DMXL1: variants seen among roughly 807,000 people sequenced by gnomAD.
The protein encoded by DMXL1 is dmX-like protein 1.
A neutral mutation model predicts 319.2 loss-of-function variants in DMXL1; 99 were observed. That is an observed-to-expected ratio of 0.31 (90% CI 0.26 to 0.37). The LOEUF is 0.37. DMXL1 is among the 10% of genes least tolerant of loss of function. The probability of loss-of-function intolerance (pLI) is 1.00; values close to 1 mark genes in which losing one functional copy is unlikely to be tolerated. For missense variants in DMXL1, 3,745 were observed against 3,595.6 expected, an observed-to-expected ratio of 1.04 and a Z score of -1.06; for synonymous variants, 1,385 against 1,235.2, an observed-to-expected ratio of 1.12 and a Z score of -2.54.
Position 119,133,274 on chromosome 5 carries a change from GAGTAAAAATGC to G in DMXL1, c.1461_1471del (p.Ser487ArgfsTer5). On this transcript the variant is annotated frameshift_variant, in exon 11 of 44. Transcript: ENST00000539542. LOFTEE classifies it high-confidence loss of function. Reference sequence around the variant, plus strand: ...AGATTGAAGTACTTCTGTCTGAATGGAGTAAAAATGCAGATATGCTATTTAGTATTCATCCC... The same window carrying G: ...AGATTGAAGTACTTCTGTCTGAATGGAGATATGCTATTTAGTATTCATCCC... 6.2e-7 allele frequency: 1 copy of G among 1,614,136 alleles called. No individual in the cohort carries two copies.
chr5:119,079,042 A>G (rs1751613124), intron 1 of DMXL1, among the ~76,000 whole-genome samples: 2 of 152,180 alleles, frequency 1.3e-5, no homozygotes, highest in Admixed American at 1.3e-4. Context: ...CATGAGCACT[A>G]CTAGACTATG....
At chr5:119,176,463 T>A (rs1246301232) in intron 26 of DMXL1, among the ~76,000 whole-genome samples, 2 of 152,088 alleles carry the variant, frequency 1.3e-5, no homozygotes, top group East Asian at 3.8e-4. Flanking sequence ...ACTTTCTTAT[T>A]ATTTAGGCTT....
chr5:119,162,275 G>T (rs946264749), intron 19 of DMXL1, among the ~76,000 whole-genome samples: 1 of 152,188 alleles, frequency 6.6e-6, no homozygotes, highest in Admixed American at 6.5e-5. Flanking sequence ...GGGTAAAATG[G>T]CATTTTCTAA....
In DMXL1 at chr5:119,141,429, G is replaced by T. The variant is rs59553594; in HGVS notation, c.2377-2412G>T. On this transcript the variant is annotated intron_variant, in intron 13 of 43. Coordinates refer to ENST00000539542, the MANE Select transcript of DMXL1 (RefSeq NM_001290321.3). ...TCAGGATACAAAAATTAATGTAGAA[G>T]AAATGACTAGCATTCCTATACACCA... Among the ~76,000 whole-genome samples the T allele has an allele frequency of 1.5e-3, 231 of 152,090 alleles. 1 individual carries two copies. The highest frequency in any genetic ancestry group is 5.1e-3 in the African/African-American group (210 of 41,526).
chr5:119,103,377 AT>A (rs1757679021), intron 3 of DMXL1, among the ~76,000 whole-genome samples: 1 of 152,170 alleles, frequency 6.6e-6, no homozygotes, highest in Non-Finnish European at 1.5e-5. Context: ...GCTCATTAGT[AT>A]TTTACAAATT....
At chr5:119,232,445 A>C (rs1260271936) in intron 38 of DMXL1, among the ~76,000 whole-genome samples, 2 of 152,102 alleles carry the variant, frequency 1.3e-5, no homozygotes, top group African/African-American at 4.8e-5. Context: ...CCTCCATACC[A>C]CATTAATATT....
intron 33 of DMXL1, among the ~76,000 whole-genome samples, chr5:119,205,150 TC>T (rs1781527666): frequency 1.3e-5 from 2 of 152,196 alleles, no homozygotes; most frequent in Non-Finnish European, 2.9e-5. Context: ...GTTTATTTGA[TC>T]TTTTTTTAAA....
Position 119,071,675 on chromosome 5 carries a change from C to G in DMXL1, c.87+19C>G, listed in dbSNP as rs921219. 762 of 1,567,328 alleles carry G rather than the reference C, an allele frequency of 4.9e-4. 10 individuals are homozygous for G. In the African/African-American group the frequency reaches 9.8e-3, roughly 20 times the overall value. On this transcript the variant is annotated intron_variant, in intron 1 of 43. Transcript: ENST00000539542. The stretch of plus-strand genomic sequence containing the variant: ...CTTCACGGTGAGTGAGGGAGGCCCT[C>G]GCGTCGCCCGTGGCCCGGCCTTTGC...
intron 16 of DMXL1, 22 bp from the exon 17 acceptor site, chr5:119,147,227 G>T (rs778614165): frequency 3.8e-6 from 6 of 1,599,538 alleles, no homozygotes; most frequent in African/African-American, 2.7e-5. Flanking sequence ...TCAGTTTTTG[G>T]TTCTTTTCTT....
intron 39 of DMXL1, among the ~76,000 whole-genome samples, chr5:119,234,434 C>T (rs934347384): frequency 6.6e-6 from 1 of 152,182 alleles, no homozygotes; most frequent in Admixed American, 6.6e-5. Flanking sequence ...CAGCCTCCCT[C>T]ACACATTAAA....
chr5:119,230,882 A>AAAATAAAT (rs534047499), intron 38 of DMXL1, among the ~76,000 whole-genome samples: 6 of 152,118 alleles, frequency 3.9e-5, no homozygotes, highest in African/African-American at 1.4e-4. Flanking sequence ...ACTCCGTCTC[A>AAAATAAAT]AAATAAATAA....
chr5:119,117,722 A>G (rs1041146746), intron 7 of DMXL1, among the ~76,000 whole-genome samples: 3 of 151,868 alleles, frequency 2.0e-5, no homozygotes, highest in African/African-American at 7.3e-5. Context: ...GAAAGAGGAG[A>G]GGGCGCCAGA....
chr5:119,120,823 A>C lies in DMXL1; in HGVS notation c.934-148A>C, dbSNP rs1178877756. On this transcript the variant is annotated intron_variant, in intron 8 of 43. Transcript: ENST00000539542. ...TACCAAAATATTGAAAGGTGTTTTT[A>C]CATATAAAATGTTAAAAGGCGTTTT... 5.8e-6 allele frequency: 3 copies of C among 518,176 alleles called. No homozygotes were observed. The African/African-American group carries it at 5.9e-5, about 10-fold the overall frequency. 32.1% of individuals were successfully genotyped at this position (518,176 alleles called of 1,614,324 possible).
chr5:119,080,926 G>T (rs1291007485), intron 1 of DMXL1, among the ~76,000 whole-genome samples: 1 of 151,966 alleles, frequency 6.6e-6, no homozygotes, highest in Non-Finnish European at 1.5e-5. Flanking sequence ...CCCCTCCCTA[G>T]GCAAAAAAGA....
intron 35 of DMXL1, among the ~76,000 whole-genome samples, chr5:119,218,690 A>C (rs1443789463): frequency 1.3e-5 from 2 of 152,002 alleles, no homozygotes; most frequent in African/African-American, 4.8e-5. Flanking sequence ...CGATCTCTTT[A>C]CCTCGTGATC....
intron 1 of DMXL1, among the ~76,000 whole-genome samples, chr5:119,089,763 A>G (rs2149735113): frequency 6.6e-6 from 1 of 150,594 alleles, no homozygotes; most frequent in South Asian, 2.1e-4. Context: ...AGTAGCTGGG[A>G]TTACAGGCAT....
chr5:119,194,681 A>G lies in DMXL1; in HGVS notation c.7457+711A>G, dbSNP rs577542002. ...TTATTGAGGTTTTTCCCCCTGCTGA[A>G]TGAATTTTACTTTTTGAATATATAA... On this transcript the variant is annotated intron_variant, in intron 30 of 43. Coordinates refer to ENST00000539542, the MANE Select transcript of DMXL1 (RefSeq NM_001290321.3). 2.7e-4 allele frequency among the ~76,000 whole-genome samples: 41 copies of G among 152,318 alleles called. 1 individual carries two copies. The South Asian group carries it at 8.5e-3, about 32-fold the overall frequency.
At chr5:119,199,534 A>C (rs1315995855) in intron 32 of DMXL1, among the ~76,000 whole-genome samples, 1 of 152,252 alleles carries the variant, frequency 6.6e-6, no homozygotes, top group East Asian at 1.9e-4. Flanking sequence ...ACTTGTGTGC[A>C]TGTGTTTTTT....
rs140308301 is a variant in DMXL1 at position 119,107,599 on chromosome 5, C to G, written c.364+2341C>G. Among the ~76,000 whole-genome samples the G allele has an allele frequency of 8.7e-3, 1,325 of 152,252 alleles. 15 individuals are homozygous for G. The highest frequency in any genetic ancestry group is 0.03 in the African/African-American group (1,258 of 41,532). On this transcript the variant is annotated intron_variant, in intron 4 of 43. Transcript: ENST00000539542. The stretch of plus-strand genomic sequence containing the variant: ...TTGAAATCAGTATACCATATTATAT[C>G]TTACCTACTTTTGTTCCATTCCATA...
Sources: allele counts gnomAD v4.1 joint callset (sites outside exome capture counted in the v4.1 genomes callset), GRCh38; gene constraint gnomAD v4.1.1; transcripts MANE v1.5; gene names NCBI Gene and HGNC (gene_info 2026-07-23, HGNC 2026-07-21).